Variants in RAPGEF4 observed in about 807,000 individuals in gnomAD.
RAPGEF4 encodes RAP guanine-nucleotide-exchange factor (GEF) 4.
A neutral mutation model predicts 147.9 loss-of-function variants in RAPGEF4; 66 were observed. That is an observed-to-expected ratio of 0.45 (90% CI 0.37 to 0.55). The LOEUF (loss-of-function observed/expected upper bound fraction) is 0.55, where lower values mean the gene tolerates loss of function less well. RAPGEF4 is among the 20% of genes least tolerant of loss of function. The pLI, the probability that RAPGEF4 is intolerant of heterozygous loss-of-function variation, is 0.00. For synonymous variants in RAPGEF4, 419 were observed against 442.7 expected, an observed-to-expected ratio of 0.95 and a Z score of 0.67; for missense variants, 1,071 against 1,257.3, an observed-to-expected ratio of 0.85 and a Z score of 2.24.
rs758173649 is a variant in RAPGEF4 at position 173,051,626 on chromosome 2, T to C, written c.2909-14T>C. 1.2e-6 allele frequency: 2 copies of C among 1,612,334 alleles called. No homozygotes were observed. The highest frequency in any genetic ancestry group is 1.7e-6 in the Non-Finnish European group (2 of 1,178,726). ...ATTACACAATGCCAATTCTGCCCTTTCCTCTTTCAACAGATCCTGATGCAG... is the reference window on the plus strand; with the variant it reads ...ATTACACAATGCCAATTCTGCCCTTCCCTCTTTCAACAGATCCTGATGCAG... On this transcript the variant is annotated splice_polypyrimidine_tract_variant and intron_variant, in intron 30 of 30. Coordinates refer to ENST00000397081, the MANE Select transcript of RAPGEF4 (RefSeq NM_007023.4).
intron 1 of RAPGEF4, among the ~76,000 whole-genome samples, chr2:172,743,835 C>T (rs943965230): frequency 6.6e-6 from 1 of 152,158 alleles, no homozygotes; most frequent in African/African-American, 2.4e-5. Flanking sequence ...AGCAAGTGCC[C>T]AGAGAAACAC....
intron 6 of RAPGEF4, among the ~76,000 whole-genome samples, chr2:172,946,433 C>A (rs895163037): frequency 2.6e-5 from 4 of 152,172 alleles, no homozygotes; most frequent in African/African-American, 9.7e-5. Flanking sequence ...AATTGATAAT[C>A]TGATTCTCTG....
chr2:172,758,337 A>T (rs1342231952), intron 1 of RAPGEF4, among the ~76,000 whole-genome samples: 9 of 152,162 alleles, frequency 5.9e-5, no homozygotes, highest in African/African-American at 1.9e-4. Context: ...TAGGAACTTG[A>T]CAGCTGTTAT....
At chr2:172,855,613 G>C (rs1693328035) in intron 4 of RAPGEF4, among the ~76,000 whole-genome samples, 1 of 152,114 alleles carries the variant, frequency 6.6e-6, no homozygotes, top group African/African-American at 2.4e-5. Context: ...AAGTAATGCA[G>C]GTCTGCTGGA....
At chr2:172,785,535 A>G (rs1685116816) in intron 1 of RAPGEF4, among the ~76,000 whole-genome samples, 1 of 152,216 alleles carries the variant, frequency 6.6e-6, no homozygotes, top group Non-Finnish European at 1.5e-5. Flanking sequence ...ATGCTAAATT[A>G]CTGTTAAAAA....
intron 10 of RAPGEF4, among the ~76,000 whole-genome samples, chr2:172,973,544 A>G (rs1317820853): frequency 6.6e-6 from 1 of 152,202 alleles, no homozygotes; most frequent in East Asian, 1.9e-4. Context: ...AGGGAACTGT[A>G]AACTGTTTCA....
chr2:173,017,155 C>A lies in RAPGEF4; in HGVS notation c.1899-19C>A, dbSNP rs181418330. 1 of 1,610,654 alleles carries A rather than the reference C, an allele frequency of 6.2e-7. No individual in the cohort carries two copies. Among genetic ancestry groups the A allele is most frequent in the Non-Finnish European group, 8.5e-7 (1 of 1,176,892 alleles). On this transcript the variant is annotated intron_variant, in intron 19 of 30. Transcript: ENST00000397081. ...AGTAGCAATGGTATTAAATAATGTG[C>A]TTTCTCTACTTCTCGTAGCTCAGAA...
intron 4 of RAPGEF4, among the ~76,000 whole-genome samples, chr2:172,889,477 C>A (rs1391417349): frequency 6.6e-6 from 1 of 152,094 alleles, no homozygotes; most frequent in Non-Finnish European, 1.5e-5. Flanking sequence ...GTTCATAGAA[C>A]TACTTTGCAT....
At chr2:172,871,784 C>T (rs1157753493) in intron 4 of RAPGEF4, among the ~76,000 whole-genome samples, 1 of 151,904 alleles carries the variant, frequency 6.6e-6, no homozygotes, top group African/African-American at 2.4e-5. Flanking sequence ...TGAGAAGCTG[C>T]TATTTTCAAG....
chr2:172,843,749 T>G (rs115813955), intron 4 of RAPGEF4, among the ~76,000 whole-genome samples: 2,449 of 152,168 alleles, frequency 0.016, 23 homozygotes, highest in South Asian at 0.034. Context: ...GAGATCTAGA[T>G]CTGAGTCATA....
intron 1 of RAPGEF4, among the ~76,000 whole-genome samples, chr2:172,788,240 C>G (rs1315362681): frequency 6.6e-6 from 1 of 152,080 alleles, no homozygotes; most frequent in Non-Finnish European, 1.5e-5. Context: ...ACTTAGGACA[C>G]AACATTTAGA....
At chr2:172,938,986 G>A (rs1686882488) in intron 6 of RAPGEF4, among the ~76,000 whole-genome samples, 1 of 152,174 alleles carries the variant, frequency 6.6e-6, no homozygotes, top group African/African-American at 2.4e-5. Context: ...TCCTTGCATT[G>A]CTTGATAGTT....
chr2:172,844,477 G>T (rs1242817577), intron 4 of RAPGEF4, among the ~76,000 whole-genome samples: 1 of 152,152 alleles, frequency 6.6e-6, no homozygotes, highest in African/African-American at 2.4e-5. Context: ...AGGACCTCTT[G>T]CATCCTCTCA....
intron 4 of RAPGEF4, among the ~76,000 whole-genome samples, chr2:172,881,543 T>G (rs137926546): frequency 6.6e-6 from 1 of 152,256 alleles, no homozygotes; most frequent in Non-Finnish European, 1.5e-5. Flanking sequence ...TTTTAGCACT[T>G]CCTCGGATAG....
chr2:172,952,024 T>G (rs1346898774), intron 6 of RAPGEF4, among the ~76,000 whole-genome samples: 1 of 152,116 alleles, frequency 6.6e-6, no homozygotes. Flanking sequence ...GAACAGAATT[T>G]AAAATTTTTA....
In RAPGEF4 at chr2:173,026,617, A is replaced by G. The variant is rs1258649441; in HGVS notation, c.2299A>G (p.Thr767Ala). ...QEGPTVGTVG[T>A]FELMSSKDLA... ...AGGCCCAACTGTTGGAACAGTGGGAACTTTTGAACTGATGAGCTCCAAAGA... is the reference window on the plus strand; with the variant it reads ...AGGCCCAACTGTTGGAACAGTGGGAGCTTTTGAACTGATGAGCTCCAAAGA... Residue 767 changes from threonine to alanine, a missense_variant, in exon 24 of 31, where the codon ACT (threonine) becomes GCT (alanine). Transcript: ENST00000397081. 1 of 1,613,826 alleles carries G rather than the reference A, an allele frequency of 6.2e-7. No individual in the cohort carries two copies. Among genetic ancestry groups the G allele is most frequent in the East Asian group, 2.2e-5 (1 of 44,876 alleles).
chr2:173,018,964 G>A (rs1488409623), intron 22 of RAPGEF4, among the ~76,000 whole-genome samples, 162 bp downstream of exon 22: 1 of 152,200 alleles, frequency 6.6e-6, no homozygotes, highest in Non-Finnish European at 1.5e-5. Context: ...GTAGAGGTGG[G>A]TTGGGTTTCT....
intron 4 of RAPGEF4, among the ~76,000 whole-genome samples, chr2:172,829,971 A>T (rs1005416925): frequency 6.6e-6 from 1 of 151,802 alleles, no homozygotes; most frequent in Admixed American, 6.6e-5. Context: ...TTCCATATAT[A>T]TTCCATATAT....
chr2:173,051,049 A>C (rs547584799), intron 30 of RAPGEF4, among the ~76,000 whole-genome samples: 5 of 152,134 alleles, frequency 3.3e-5, no homozygotes, highest in African/African-American at 1.2e-4. Context: ...AAAGAATCAA[A>C]CGTCTAGCAG....
Sources: allele counts gnomAD v4.1 joint callset (sites outside exome capture counted in the v4.1 genomes callset), GRCh38; gene constraint gnomAD v4.1.1; transcripts MANE v1.5; gene names NCBI Gene and HGNC (gene_info 2026-07-23, HGNC 2026-07-21).